The following CLOCK variants were observed in gnomAD, a reference collection of about 807,000 sequenced individuals.
The protein encoded by CLOCK is circadian locomoter output cycles protein kaput.
A neutral mutation model predicts 118.4 loss-of-function variants in CLOCK; 43 were observed. That is an observed-to-expected ratio of 0.36 (90% CI 0.28 to 0.47). CLOCK has a LOEUF of 0.47. CLOCK is among the 20% of genes least tolerant of loss of function. The pLI is 1.00. For missense variants in CLOCK, 846 were observed against 999.9 expected, an observed-to-expected ratio of 0.85 and a Z score of 2.08; for synonymous variants, 326 against 339.2, an observed-to-expected ratio of 0.96 and a Z score of 0.43.
At chr4:55,543,397 C>T (rs927598247) in intron 1 of CLOCK, among the ~76,000 whole-genome samples, 1 of 152,124 alleles carries the variant, frequency 6.6e-6, no homozygotes, top group African/African-American at 2.4e-5. Context: ...AATGGCAAAG[C>T]AGATGATCAT....
At chr4:55,514,982 G>A (rs1729414966) in intron 1 of CLOCK, among the ~76,000 whole-genome samples, 2 of 152,144 alleles carry the variant, frequency 1.3e-5, no homozygotes, top group South Asian at 4.1e-4. Context: ...ATGTTTGGTA[G>A]AATTAGAACT....
intron 21 of CLOCK, among the ~76,000 whole-genome samples, chr4:55,440,354 A>G (rs983686169): frequency 3.3e-5 from 5 of 152,192 alleles, no homozygotes; most frequent in African/African-American, 7.2e-5. Context: ...TTGAAATGAA[A>G]GAACAATAAC....
At chr4:55,457,181 C>T (rs1577715678) in intron 11 of CLOCK, among the ~76,000 whole-genome samples, 1 of 152,020 alleles carries the variant, frequency 6.6e-6, no homozygotes, top group Admixed American at 6.5e-5. Flanking sequence ...CCTCATACAT[C>T]TCAAATTCAA....
Position 55,435,590 on chromosome 4 carries a change from G to C in CLOCK, c.2366C>G (p.Ser789Cys). ...TGAGGGATTCCCATGGAGCAACCTA[G>C]AAGTCTAAAAAACAAATGGATTATG... The part of the protein sequence containing the change: ...TQPPQQFLQT[S>C]RLLHGNPSTQ... The change falls in exon 23 of 23, where the codon TCT becomes TGT. Residue 789 changes from serine to cysteine, a missense_variant. Transcript: ENST00000513440. 1.2e-6 allele frequency: 2 copies of C among 1,613,810 alleles called. No individual in the cohort carries two copies. The highest frequency in any genetic ancestry group is 1.1e-5 in the South Asian group (1 of 91,044).
At chr4:55,478,282 A>T (rs1396498282) in intron 6 of CLOCK, among the ~76,000 whole-genome samples, 1 of 152,110 alleles carries the variant, frequency 6.6e-6, no homozygotes, top group Non-Finnish European at 1.5e-5. Context: ...TATACATTGA[A>T]ACCTTTTAAA....
intron 8 of CLOCK, among the ~76,000 whole-genome samples, chr4:55,469,524 GGACAA>G (rs1427518474): frequency 5.3e-5 from 8 of 152,126 alleles, no homozygotes; most frequent in Non-Finnish European, 1.0e-4. Context: ...CCCTCCAATG[GGACAA>G]GATGTGGAGG....
At chr4:55,500,939 T>A (rs1206696774) in intron 2 of CLOCK, among the ~76,000 whole-genome samples, 1 of 151,762 alleles carries the variant, frequency 6.6e-6, no homozygotes, top group Non-Finnish European at 1.5e-5. Flanking sequence ...GCAGCCTCGA[T>A]CTCCTGGGTT....
At chr4:55,485,671 A>G (rs992571991) in intron 3 of CLOCK, among the ~76,000 whole-genome samples, 3 of 152,188 alleles carry the variant, frequency 2.0e-5, no homozygotes, top group Non-Finnish European at 4.4e-5. Flanking sequence ...AAGATATGCA[A>G]TGTCTTCAAA....
At position 55,478,056 on chromosome 4, in the gene CLOCK, G is replaced by C. The variant is rs991665012; in HGVS notation, c.256+759C>G. On this transcript the variant is annotated intron_variant, in intron 6 of 22. Coordinates refer to ENST00000513440, the MANE Select transcript of CLOCK (RefSeq NM_004898.4). ...AAGGCATTACCAACTGAGCTAGGCA[G>C]AAGTAAAACAGAGGCACTAATTACT... 3.9e-5 allele frequency among the ~76,000 whole-genome samples: 6 copies of C among 152,078 alleles called. No homozygotes were observed. The East Asian group carries it at 1.2e-3, about 29-fold the overall frequency.
In CLOCK at chr4:55,432,551, T is replaced by G. The variant is rs1288825386; in HGVS notation, c.*2864A>C. On this transcript the variant is annotated 3_prime_UTR_variant, in exon 23 of 23. Transcript: ENST00000513440. ...AATGCTATAGATTTGGGATTTTAAC[T>G]AACAGCTTTGGCTATAGAAATGAAG... The G allele has an allele frequency of 7.2e-6, 1 of 139,112 alleles. No individual in the cohort carries two copies. Among genetic ancestry groups the G allele is most frequent in the Admixed American group, 7.9e-5 (1 of 12,710 alleles). 8.6% of individuals were successfully genotyped at this position (139,112 alleles called of 1,614,324 possible).
Position 55,429,121 on chromosome 4 carries a change from C to A in CLOCK, c.*6294G>T, listed in dbSNP as rs1722360940. ...ATAACCATTGCCAGCAGTGAACTTGCACTAGTCCAAGCCAACTCAAAAACA... is the reference window on the plus strand; with the variant it reads ...ATAACCATTGCCAGCAGTGAACTTGAACTAGTCCAAGCCAACTCAAAAACA... On this transcript the variant is annotated 3_prime_UTR_variant, in exon 23 of 23. Coordinates refer to ENST00000513440, the MANE Select transcript of CLOCK (RefSeq NM_004898.4). 6.6e-6 allele frequency: 1 copy of A among 152,008 alleles called. No individual in the cohort carries two copies. Among genetic ancestry groups the A allele is most frequent in the South Asian group, 2.1e-4 (1 of 4,830 alleles). 9.4% of individuals were successfully genotyped at this position (152,008 alleles called of 1,614,324 possible). A position where few individuals can be genotyped will look rare whatever the true frequency, so the allele number is the denominator to read the frequency against.
At chr4:55,470,142 C>A (rs1354619875) in intron 8 of CLOCK, among the ~76,000 whole-genome samples, 1 of 152,170 alleles carries the variant, frequency 6.6e-6, no homozygotes, top group Non-Finnish European at 1.5e-5. Context: ...ACAGTACTGT[C>A]TTAGTCCTTC....
chr4:55,515,160 C>G (rs936623393), intron 1 of CLOCK, among the ~76,000 whole-genome samples: 3 of 152,100 alleles, frequency 2.0e-5, no homozygotes, highest in Admixed American at 6.6e-5. Context: ...TTATCAAATT[C>G]GTGGGCACAG....
chr4:55,527,771 G>A (rs1441644201), intron 1 of CLOCK, among the ~76,000 whole-genome samples: 2 of 152,080 alleles, frequency 1.3e-5, no homozygotes, highest in Admixed American at 6.5e-5. Flanking sequence ...AGCTGGGTGT[G>A]GTGGCTCATA....
At chr4:55,498,986 T>C (rs1278693920) in intron 2 of CLOCK, among the ~76,000 whole-genome samples, 2 of 152,262 alleles carry the variant, frequency 1.3e-5, no homozygotes, top group East Asian at 3.8e-4. Context: ...GCCCATGCAG[T>C]ACATCTGTAT....
intron 2 of CLOCK, among the ~76,000 whole-genome samples, chr4:55,502,311 G>A (rs1274620772): frequency 2.0e-5 from 3 of 152,162 alleles, no homozygotes; most frequent in African/African-American, 4.8e-5. Context: ...TAAACTATCA[G>A]ATATCATGAC....
At position 55,435,257 on chromosome 4, in the gene CLOCK, G is replaced by T; in HGVS notation, c.*158C>A. Reference sequence around the variant, plus strand: ...TATTTAATGTACATCTGTAGCACTAGGCAGCATTTTCTCTGCCAACTAATT... The same window carrying T: ...TATTTAATGTACATCTGTAGCACTATGCAGCATTTTCTCTGCCAACTAATT... On this transcript the variant is annotated 3_prime_UTR_variant, in exon 23 of 23. Coordinates refer to ENST00000513440, the MANE Select transcript of CLOCK (RefSeq NM_004898.4). The T allele has an allele frequency of 1.2e-6, 1 of 803,182 alleles. No individual in the cohort carries two copies. The highest frequency in any genetic ancestry group is 2.1e-6 in the Non-Finnish European group (1 of 486,124). The allele number at this position is 803,182 out of a possible 1,614,324, so 49.8% of individuals were successfully genotyped here. A position where few individuals can be genotyped will look rare whatever the true frequency, so the allele number is the denominator to read the frequency against.
At chr4:55,482,051 TAA>T (rs760756224) in intron 4 of CLOCK, among the ~76,000 whole-genome samples, 4 of 152,196 alleles carry the variant, frequency 2.6e-5, no homozygotes, top group Non-Finnish European at 5.9e-5. Context: ...TAAATTATGA[TAA>T]GAGATGCTAA....
intron 12 of CLOCK, 52 bp downstream of exon 12, chr4:55,456,166 G>T: frequency 7.1e-7 from 1 of 1,415,026 alleles, no homozygotes; most frequent in Non-Finnish European, 9.8e-7. Flanking sequence ...TTAATTTCAA[G>T]AATTATATAA....
Sources: allele counts gnomAD v4.1 joint callset (sites outside exome capture counted in the v4.1 genomes callset), GRCh38; gene constraint gnomAD v4.1.1; transcripts MANE v1.5; gene names NCBI Gene and HGNC (gene_info 2026-07-23, HGNC 2026-07-21).